The following SAMMSON variants were observed in gnomAD, a reference collection of about 807,000 sequenced individuals.
SAMMSON encodes the protein survival associated mitochondrial melanoma specific oncogenic non-coding RNA.
chr3:70,203,486 C>T (rs1481069525), intron 4 of SAMMSON, among the ~76,000 whole-genome samples: 3 of 152,114 alleles, frequency 2.0e-5, no homozygotes, highest in Admixed American at 6.6e-5. Context: ...TTCAGACAAG[C>T]ACAACTAACA....
In SAMMSON at chr3:70,179,020, T is replaced by G. The variant is rs6785348; in HGVS notation, n.508-70087T>G. Among the ~76,000 whole-genome samples, 340 of 152,144 alleles carry G rather than the reference T, an allele frequency of 2.2e-3. 2 individuals are homozygous for G. Among genetic ancestry groups the G allele is most frequent in the African/African-American group, 7.4e-3 (306 of 41,522 alleles). On this transcript the variant is annotated intron_variant and non_coding_transcript_variant, in intron 4 of 9. Transcript: ENST00000642114. ...TGTCTCAAAATAATAGTAATAATAA[T>G]AATAAGAAGAAGAACTTTATAACTG...
intron 7 of SAMMSON, among the ~76,000 whole-genome samples, chr3:70,294,030 A>C (rs937067719): frequency 1.3e-5 from 2 of 152,174 alleles, no homozygotes; most frequent in Admixed American, 1.3e-4. Flanking sequence ...GTATTTTAAT[A>C]TTTATCAATT....
chr3:70,404,129 T>C (rs899340443), intron 2 of SAMMSON, among the ~76,000 whole-genome samples: 4 of 152,132 alleles, frequency 2.6e-5, no homozygotes, highest in Non-Finnish European at 4.4e-5. Context: ...TGTTATTAAA[T>C]TTAAGCTAAT....
intron 7 of SAMMSON, among the ~76,000 whole-genome samples, chr3:70,308,778 T>C (rs1467909425): frequency 6.6e-6 from 1 of 152,134 alleles, no homozygotes; most frequent in East Asian, 1.9e-4. Flanking sequence ...GTCGAGAAGT[T>C]AGAAATAATA....
chr3:70,378,585 G>T (rs1296759427), intron 9 of SAMMSON, among the ~76,000 whole-genome samples: 1 of 152,052 alleles, frequency 6.6e-6, no homozygotes, highest in East Asian at 1.9e-4. Flanking sequence ...ATAAACTATA[G>T]AATTCTATTT....
intron 6 of SAMMSON, among the ~76,000 whole-genome samples, chr3:70,251,507 A>G (rs182645894): frequency 1.3e-5 from 2 of 152,292 alleles, no homozygotes; most frequent in East Asian, 3.9e-4. Flanking sequence ...CTTAAATAGT[A>G]TTTTATAGGC....
intron 4 of SAMMSON, among the ~76,000 whole-genome samples, chr3:70,155,251 T>C (rs1266462434): frequency 1.3e-5 from 2 of 151,414 alleles, no homozygotes; most frequent in Non-Finnish European, 2.9e-5. Flanking sequence ...ACTCTGGGGG[T>C]TGGGGTTTAT....
intron 4 of SAMMSON, among the ~76,000 whole-genome samples, chr3:70,106,326 C>A (rs901609675): frequency 1.3e-5 from 2 of 150,810 alleles, no homozygotes; most frequent in African/African-American, 2.4e-5. Context: ...GTCTGGAGGG[C>A]AGCCTGAGAA....
chr3:70,026,564 C>G (rs1446418317), intron 3 of SAMMSON, among the ~76,000 whole-genome samples: 2 of 152,148 alleles, frequency 1.3e-5, no homozygotes, highest in South Asian at 4.1e-4. Flanking sequence ...GACAAGTGGT[C>G]TAGACTAGGA....
At chr3:70,343,218 C>G (rs2106730024) in intron 7 of SAMMSON, among the ~76,000 whole-genome samples, 1 of 152,194 alleles carries the variant, frequency 6.6e-6, no homozygotes, top group East Asian at 1.9e-4. Context: ...AATTAATGAA[C>G]CAATAATGGT....
At chr3:70,368,867 A>C (rs1702942182) in intron 9 of SAMMSON, among the ~76,000 whole-genome samples, 1 of 151,592 alleles carries the variant, frequency 6.6e-6, no homozygotes, top group East Asian at 1.9e-4. Context: ...TTCTGTATGA[A>C]CTTTAGAATT....
At chr3:70,142,533 G>A (rs2067532203) in intron 4 of SAMMSON, among the ~76,000 whole-genome samples, 3 of 152,026 alleles carry the variant, frequency 2.0e-5, no homozygotes, top group Non-Finnish European at 4.4e-5. Context: ...TGGGGACTTA[G>A]GGGGAAAGGG....
intron 9 of SAMMSON, among the ~76,000 whole-genome samples, chr3:70,363,307 A>G (rs997596655): frequency 6.6e-6 from 1 of 152,066 alleles, no homozygotes. Flanking sequence ...CTTATTCAAC[A>G]TAGTCTGGAA....
At chr3:70,121,353 G>C (rs1375010229) in intron 4 of SAMMSON, among the ~76,000 whole-genome samples, 1 of 152,072 alleles carries the variant, frequency 6.6e-6, no homozygotes, top group Non-Finnish European at 1.5e-5. Context: ...CCTCCTCTCA[G>C]TCATACCTAG....
chr3:70,366,503 T>TTTG (rs1449115401), intron 9 of SAMMSON, among the ~76,000 whole-genome samples: 1 of 149,734 alleles, frequency 6.7e-6, no homozygotes, highest in African/African-American at 2.4e-5. Flanking sequence ...TTTTTTTTTT[T>TTTG]TTTTTGCCTA....
At chr3:70,222,134 G>T (rs1189696868) in intron 4 of SAMMSON, among the ~76,000 whole-genome samples, 3 of 152,086 alleles carry the variant, frequency 2.0e-5, no homozygotes, top group Non-Finnish European at 4.4e-5. Context: ...GCTTCTCCCT[G>T]TCTCCCCAGG....
intron 7 of SAMMSON, among the ~76,000 whole-genome samples, chr3:70,304,173 A>G (rs9835020): frequency 0.1 from 15,637 of 152,098 alleles, 1,036 homozygotes; most frequent in East Asian, 0.36. Context: ...CTCTTGGGTG[A>G]AGATGTCCCA....
At chr3:70,250,411 TCACACACACACACACACACACACA>T (rs61355248) in intron 6 of SAMMSON, among the ~76,000 whole-genome samples, 24 of 124,968 alleles carry the variant, frequency 1.9e-4, no homozygotes, top group African/African-American at 6.7e-4. Flanking sequence ...TTAATGAATC[TCACACACACACACACACACACACA>T]CACACACACA....
chr3:70,147,906 C>A (rs1183805133), intron 4 of SAMMSON, among the ~76,000 whole-genome samples: 1 of 151,912 alleles, frequency 6.6e-6, no homozygotes, highest in Non-Finnish European at 1.5e-5. Context: ...ACATTTCCAA[C>A]AAAGGACTTA....
Sources: allele counts gnomAD v4.1 joint callset (sites outside exome capture counted in the v4.1 genomes callset), GRCh38; gene constraint gnomAD v4.1.1; transcripts MANE v1.5; gene names NCBI Gene and HGNC (gene_info 2026-07-23, HGNC 2026-07-21).